The following UNC13C variants were observed in gnomAD, a reference collection of about 807,000 sequenced individuals.
UNC13C encodes the protein protein unc-13 homolog C.
A neutral mutation model predicts 245.4 loss-of-function variants in UNC13C; 174 were observed. The ratio of observed to expected loss-of-function variants is 0.71; its 90% CI spans 0.63 to 0.80. The LOEUF (loss-of-function observed/expected upper bound fraction) is 0.80. Ranked by LOEUF, UNC13C falls within the 30% of genes least tolerant of loss-of-function variation. The pLI is 0.00. For missense variants in UNC13C, 2,829 were observed against 2,602.9 expected, an observed-to-expected ratio of 1.09 and a Z score of -1.89; for synonymous variants, 992 against 895.1, an observed-to-expected ratio of 1.11 and a Z score of -1.93.
chr15:54,404,828 A>C (rs1292559834), intron 18 of UNC13C, among the ~76,000 whole-genome samples: 1 of 152,154 alleles, frequency 6.6e-6, no homozygotes, highest in Non-Finnish European at 1.5e-5. Flanking sequence ...TTGTTAGTGT[A>C]TAGCTCAGTA....
At chr15:54,251,805 G>A (rs189460374) in intron 8 of UNC13C, among the ~76,000 whole-genome samples, 182 of 152,252 alleles carry the variant, frequency 1.2e-3, no homozygotes, top group African/African-American at 4.1e-3. Flanking sequence ...AAATGTCAAA[G>A]ATTAAATTAG....
At chr15:53,979,336 A>G (rs1464892603) in intron 1 of UNC13C, among the ~76,000 whole-genome samples, 1 of 124,702 alleles carries the variant, frequency 8.0e-6, no homozygotes, top group African/African-American at 2.6e-5. Context: ...GATGTCATAC[A>G]CTAGTGTGTC....
At chr15:54,146,625 G>T (rs571477158) in intron 4 of UNC13C, among the ~76,000 whole-genome samples, 21 of 152,200 alleles carry the variant, frequency 1.4e-4, no homozygotes, top group Non-Finnish European at 2.2e-4. Flanking sequence ...AGGAGCAAGA[G>T]AAAGTAGGAA....
the UNC13C span, among the ~76,000 whole-genome samples, chr15:53,900,283 A>G: frequency 6.6e-6 from 1 of 152,322 alleles, no homozygotes; most frequent in Non-Finnish European, 1.5e-5. Flanking sequence ...TGCAGACATA[A>G]GTGTTTAGGA....
chr15:53,957,039 CAACA>C, the UNC13C span, among the ~76,000 whole-genome samples: 1 of 152,046 alleles, frequency 6.6e-6, no homozygotes, highest in African/African-American at 2.4e-5. Flanking sequence ...AAACAAATGC[CAACA>C]AATATAATCA....
At chr15:54,358,799 C>G (rs527724424) in intron 17 of UNC13C, among the ~76,000 whole-genome samples, 1 of 152,098 alleles carries the variant, frequency 6.6e-6, no homozygotes, top group East Asian at 1.9e-4. Flanking sequence ...TTTGGATGCC[C>G]TTTATCTCTT....
rs78478100 is a variant in UNC13C, at chr15:54,139,581, T to C, written c.2984-3437T>C. 4.4e-3 allele frequency among the ~76,000 whole-genome samples: 677 copies of C among 152,328 alleles called. 44 individuals carry two copies. The East Asian group carries it at 0.089, about 20-fold the overall frequency. On this transcript the variant is annotated intron_variant, in intron 2 of 32. Transcript: ENST00000260323. ...CATGCTCATCAACTATGCATGATAG[T>C]GTTTGATTAATAATATTCTCAACAG...
chr15:53,941,653 A>G, the UNC13C span, among the ~76,000 whole-genome samples: 1 of 152,178 alleles, frequency 6.6e-6, no homozygotes, highest in Non-Finnish European at 1.5e-5. Context: ...AAATTTGTGT[A>G]ATCTATCCAT....
At chr15:54,454,733 A>G (rs1891379612) in intron 19 of UNC13C, among the ~76,000 whole-genome samples, 1 of 152,114 alleles carries the variant, frequency 6.6e-6, no homozygotes, top group Non-Finnish European at 1.5e-5. Flanking sequence ...TTCACCCAAC[A>G]TAATGTTTTC....
intron 23 of UNC13C, among the ~76,000 whole-genome samples, chr15:54,509,823 A>ATTC (rs1894655424): frequency 6.6e-6 from 1 of 152,172 alleles, no homozygotes; most frequent in Non-Finnish European, 1.5e-5. Context: ...GATTCAGTAA[A>ATTC]ACTGCACTTT....
chr15:53,914,925 C>A, the UNC13C span, among the ~76,000 whole-genome samples: 3 of 152,026 alleles, frequency 2.0e-5, no homozygotes, highest in East Asian at 5.8e-4. Flanking sequence ...TACTGTATTC[C>A]TTTGTTTCTT....
chr15:54,549,506 A>G, intron 27 of UNC13C, 129 bp from the exon 28 acceptor site: 2 of 687,596 alleles, frequency 2.9e-6, no homozygotes, highest in Non-Finnish European at 4.8e-6. Flanking sequence ...TAGACCAATT[A>G]AGGGCATCTG....
At chr15:54,575,060 G>T (rs997630235) in intron 30 of UNC13C, among the ~76,000 whole-genome samples, 9 of 152,068 alleles carry the variant, frequency 5.9e-5, no homozygotes, top group African/African-American at 1.7e-4. Context: ...TTTTGAGATG[G>T]AGTCTGTCTC....
At chr15:54,412,672 T>C (rs1471392826) in intron 18 of UNC13C, among the ~76,000 whole-genome samples, 1 of 152,262 alleles carries the variant, frequency 6.6e-6, no homozygotes, top group Admixed American at 6.5e-5. Context: ...AATTAGTTTT[T>C]TAGACATTTT....
chr15:54,614,248 A>G (rs549864266), intron 30 of UNC13C, among the ~76,000 whole-genome samples: 1 of 152,004 alleles, frequency 6.6e-6, no homozygotes, highest in East Asian at 1.9e-4. Flanking sequence ...TTAACACCAT[A>G]TTGCATAGAA....
At chr15:54,404,219 C>T (rs964676208) in intron 18 of UNC13C, among the ~76,000 whole-genome samples, 6 of 152,118 alleles carry the variant, frequency 3.9e-5, no homozygotes, top group Non-Finnish European at 5.9e-5. Flanking sequence ...TAATAATTAA[C>T]CTACTTTTCT....
chr15:53,955,410 G>T, the UNC13C span, among the ~76,000 whole-genome samples: 1 of 152,076 alleles, frequency 6.6e-6, no homozygotes, highest in Non-Finnish European at 1.5e-5. Context: ...GTTATTAAAA[G>T]ACATGATTTT....
intron 10 of UNC13C, among the ~76,000 whole-genome samples, chr15:54,275,480 T>C (rs766711353): frequency 6.6e-6 from 1 of 152,180 alleles, no homozygotes; most frequent in Non-Finnish European, 1.5e-5. Context: ...TAATTGTATA[T>C]GATATAGTTT....
At chr15:54,108,095 C>T (rs963704373) in intron 2 of UNC13C, among the ~76,000 whole-genome samples, 5 of 152,128 alleles carry the variant, frequency 3.3e-5, no homozygotes, top group Non-Finnish European at 7.4e-5. Context: ...TTCTGTTTCG[C>T]AGGAATCAAT....
Sources: allele counts gnomAD v4.1 joint callset (sites outside exome capture counted in the v4.1 genomes callset), GRCh38; gene constraint gnomAD v4.1.1; transcripts MANE v1.5; gene names NCBI Gene and HGNC (gene_info 2026-07-23, HGNC 2026-07-21).